The following BDH1 variants were observed in gnomAD, a reference collection of about 807,000 sequenced individuals.
BDH1 encodes the protein 3-hydroxybutyrate dehydrogenase 1, also known as D-beta-hydroxybutyrate dehydrogenase, mitochondrial.
BDH1 carries 30 observed loss-of-function variants against 33.1 expected under a neutral mutation model. The observed-to-expected ratio is 0.91, with a 90% CI of 0.68 to 1.23. BDH1 has a LOEUF of 1.23. Among genes scored for constraint, BDH1 ranks in the 50% most tolerant of loss-of-function variants. The pLI is 0.00. For synonymous variants in BDH1, 190 were observed against 183.6 expected (o/e 1.03, Z -0.28); for missense variants, 443 against 464.4 (o/e 0.95, Z 0.42).
At chr3:197,552,506 T>A (rs1246609027) in intron 2 of BDH1, among the ~76,000 whole-genome samples, 1 of 152,216 alleles carries the variant, frequency 6.6e-6, no homozygotes, top group Non-Finnish European at 1.5e-5. Context: ...CCCTCTGACC[T>A]CATTCCTACC....
At chr3:197,569,427 G>C (rs1190705432) in intron 1 of BDH1, among the ~76,000 whole-genome samples, 1 of 152,124 alleles carries the variant, frequency 6.6e-6, no homozygotes, top group Non-Finnish European at 1.5e-5. Context: ...ATGAGGAAAA[G>C]TTATAGGTTC....
chr3:197,571,962 T>G (rs1580028707), intron 1 of BDH1, among the ~76,000 whole-genome samples: 1 of 152,126 alleles, frequency 6.6e-6, no homozygotes, highest in South Asian at 2.1e-4. Context: ...GCTGAACAGG[T>G]AGGCCTCCAT....
At chr3:197,513,122 T>C (rs1352909363) in intron 7 of BDH1, among the ~76,000 whole-genome samples, 1 of 152,210 alleles carries the variant, frequency 6.6e-6, no homozygotes, top group Non-Finnish European at 1.5e-5. Flanking sequence ...GAGAGAGTCC[T>C]GGGCACTGGG....
chr3:197,532,514 G>C lies in BDH1; in HGVS notation c.165C>G (p.Ser55Arg), dbSNP rs1028030344. The C allele has an allele frequency of 3.1e-6, 5 of 1,613,744 alleles. No individual in the cohort carries two copies. In the African/African-American group the frequency reaches 6.7e-5, roughly 22 times the overall value. The change falls in exon 5 of 8, where the codon AGC (serine) becomes AGG (arginine). Residue 55 changes from serine (S) to arginine (R), a missense_variant. Transcript: ENST00000392379. ...TYASAAEPVG[S>R]KAVLVTGCDS... ...CACAGCCTGTGACCAGGACAGCTTT[G>C]CTGCCAACCTGTTTTACAAGGTCAG... is the stretch of plus-strand genomic sequence containing the variant.
At chr3:197,532,971 A>G (rs6583225) in intron 4 of BDH1, among the ~76,000 whole-genome samples, 61,117 of 151,990 alleles carry the variant, frequency 0.4, 14,335 homozygotes, top group African/African-American at 0.66. Flanking sequence ...TTCACCTTCC[A>G]GGTTCAAGCA....
chr3:197,557,473 G>A (rs138237150), upstream of BDH1, among the ~76,000 whole-genome samples: 2 of 152,358 alleles, frequency 1.3e-5, no homozygotes, highest in East Asian at 1.9e-4. This position sits in a 1 kb window ranked among gnomAD's most constrained non-coding sequence, Gnocchi z 4.6. Flanking sequence ...GACCGGGTGC[G>A]GTGGCTCACG....
chr3:197,564,442 G>T (rs1467236142), intron 1 of BDH1, among the ~76,000 whole-genome samples: 4 of 151,998 alleles, frequency 2.6e-5, no homozygotes, highest in African/African-American at 9.7e-5. Context: ...CTCTGTATGA[G>T]GTTTTAAAGT....
intron 3 of BDH1, among the ~76,000 whole-genome samples, chr3:197,535,735 A>G (rs577715302): frequency 2.8e-4 from 42 of 152,226 alleles, no homozygotes; most frequent in Admixed American, 5.9e-4. Context: ...ATTTTCTTCT[A>G]TGTTCTTTTC....
In BDH1 at chr3:197,522,626, A is replaced by C; in HGVS notation, c.409+14T>G. On this transcript the variant is annotated intron_variant, in intron 6 of 7. Transcript: ENST00000392379. The surrounding 1 kb of genome is among the most constrained non-coding windows in gnomAD (Gnocchi z 4.8). Reference sequence around the variant, plus strand: ...CCCCATACACAACCCCTGCCGTCCGAAGGGGCGCCCTACCTTTCTCAGGGT... The same window carrying C: ...CCCCATACACAACCCCTGCCGTCCGCAGGGGCGCCCTACCTTTCTCAGGGT... 6.2e-7 allele frequency: 1 copy of C among 1,613,944 alleles called. No individual in the cohort carries two copies. The highest frequency in any genetic ancestry group is 8.5e-7 in the Non-Finnish European group (1 of 1,179,936).
chr3:197,564,300 A>G (rs1285435670), intron 1 of BDH1, among the ~76,000 whole-genome samples: 1 of 151,684 alleles, frequency 6.6e-6, no homozygotes, highest in East Asian at 1.9e-4. Context: ...TGTGTAAGTC[A>G]CAATAAGAGG....
chr3:197,519,699 G>C (rs962415178), intron 6 of BDH1, among the ~76,000 whole-genome samples: 4 of 151,978 alleles, frequency 2.6e-5, no homozygotes, highest in Non-Finnish European at 5.9e-5. Context: ...AATGTTGACT[G>C]ACTGACTGGT....
At chr3:197,515,481 C>G (rs535346165) in intron 6 of BDH1, 7 of 985,650 alleles carry the variant, frequency 7.1e-6, no homozygotes, top group Non-Finnish European at 8.4e-6. Context: ...AGCAGCAGGC[C>G]ACTCCCCACC....
At chr3:197,527,762 C>T (rs962126532) in intron 5 of BDH1, among the ~76,000 whole-genome samples, 4 of 151,934 alleles carry the variant, frequency 2.6e-5, no homozygotes, top group South Asian at 2.1e-4. Flanking sequence ...CCTCCCGCAC[C>T]TCCTTGGTTT....
Position 197,554,863 on chromosome 3 carries a change from C to A in BDH1, c.-195-150G>T, listed in dbSNP as rs972101685. On this transcript the variant is annotated intron_variant, in intron 1 of 7. Transcript: ENST00000392379. This position sits in a 1 kb window ranked among gnomAD's most constrained non-coding sequence, Gnocchi z 4.4. ...GGACCGACCGGAGCGCTCAAACCCA[C>A]AGGGTATCTATCAGGCGCGCGTCAG... The A allele has an allele frequency of 5.9e-5, 9 of 152,284 alleles. No homozygotes were observed. Among genetic ancestry groups the A allele is most frequent in the African/African-American group, 2.2e-4 (9 of 41,464 alleles). 9.4% of individuals were successfully genotyped at this position (152,284 alleles called of 1,614,324 possible).
intron 3 of BDH1, among the ~76,000 whole-genome samples, chr3:197,536,738 G>C (rs1715190563): frequency 6.6e-6 from 1 of 152,196 alleles, no homozygotes; most frequent in East Asian, 1.9e-4. Flanking sequence ...AGCTCCTCGG[G>C]AGGCTGAGGC....
rs869271269 is a variant in BDH1 at position 197,510,599 on chromosome 3, G to GTGTGTGTGTGTGTGTGTGTGTGTGTGTGT, written c.*1295_*1296insACACACACACACACACACACACACACACA. On this transcript the variant is annotated 3_prime_UTR_variant, in exon 8 of 8. Coordinates refer to ENST00000392379, the MANE Select transcript of BDH1 (RefSeq NM_203314.3). Reference sequence around the variant, plus strand: ...CCACGCTGAAGCCCTGCAGAACAGGGGTGTGTGTGTGTGTGTGTGTGTGTG... The same window carrying GTGTGTGTGTGTGTGTGTGTGTGTGTGTGT: ...CCACGCTGAAGCCCTGCAGAACAGGGTGTGTGTGTGTGTGTGTGTGTGTGTGTGTGTGTGTGTGTGTGTGTGTGTGTGTG... The GTGTGTGTGTGTGTGTGTGTGTGTGTGTGT allele has an allele frequency of 2.4e-4, 18 of 75,378 alleles. No individual in the cohort carries two copies. The highest frequency in any genetic ancestry group is 2.4e-4 in the Non-Finnish European group (10 of 41,024). The allele number at this position is 75,378 out of a possible 1,614,324, so 4.7% of individuals were successfully genotyped here.
chr3:197,514,381 T>C lies in BDH1; in HGVS notation c.445A>G (p.Thr149Ala), dbSNP rs200503908. Residue 149 changes from threonine (T) to alanine (A), a missense_variant, in exon 7 of 8, where the codon ACG becomes GCG. Coordinates refer to ENST00000392379, the MANE Select transcript of BDH1 (RefSeq NM_203314.3). The surrounding 1 kb of genome is among the most constrained non-coding windows in gnomAD (Gnocchi z 4.2). ...CTGGTGAACTCCACCTCCCCGAACG[T>C]TGAGATGCCGGCATTGTTAACGAGG... is the stretch of plus-strand genomic sequence containing the variant. ...WGLVNNAGIS[T>A]FGEVEFTSLE... 3.2e-5 allele frequency: 51 copies of C among 1,612,260 alleles called. No individual in the cohort carries two copies. The highest frequency in any genetic ancestry group is 2.5e-4 in the South Asian group (23 of 90,788).
In BDH1 at chr3:197,511,953, C is replaced by T. The variant is rs1281504554; in HGVS notation, c.974G>A (p.Arg325Gln). Residue 325 changes from arginine to glutamine, a missense_variant, in exon 8 of 8, where the codon CGA becomes CAA. Transcript: ENST00000392379. The part of the protein sequence containing the change: ...YHPMDYYWWL[R>Q]MQIMTHLPGA... ...AGGCAAGTGGGTCATGATCTGCATT[C>T]GCAGCCACCAGTAGTAGTCCATGGG... 33 of 1,596,650 alleles carry T rather than the reference C, an allele frequency of 2.1e-5. No individual in the cohort carries two copies. The highest frequency in any genetic ancestry group is 2.6e-5 in the Non-Finnish European group (30 of 1,169,746).
At chr3:197,556,637 T>C (rs1248449911), upstream of BDH1, among the ~76,000 whole-genome samples, 2 of 152,226 alleles carry the variant, frequency 1.3e-5, no homozygotes, top group Non-Finnish European at 2.9e-5. Flanking sequence ...CATTGCACTC[T>C]AGCCTGGGCG....
Sources: allele counts gnomAD v4.1 joint callset (sites outside exome capture counted in the v4.1 genomes callset), GRCh38; gene constraint gnomAD v4.1.1; non-coding constraint Gnocchi (gnomAD v3.1); transcripts MANE v1.5; gene names NCBI Gene and HGNC (gene_info 2026-07-23, HGNC 2026-07-21).